POT1: variants seen among roughly 807,000 people sequenced by gnomAD.
The protein encoded by POT1 is protection of telomeres 1, also known as protection of telomeres protein 1.
In POT1, 47 loss-of-function variants were observed where a neutral mutation model predicts 78.5. The observed-to-expected ratio is 0.60, with a 90% CI of 0.47 to 0.76. The LOEUF (loss-of-function observed/expected upper bound fraction) is 0.76. POT1 is among the 30% of genes least tolerant of loss of function. The pLI is 0.00. For synonymous variants in POT1, 259 were observed against 260.7 expected (o/e 0.99, Z 0.06); for missense variants, 646 against 749.9 (o/e 0.86, Z 1.62).
rs1367929667 is a variant in POT1 at position 124,885,287 on chromosome 7, T to C, written c.124+6979A>G. Among the ~76,000 whole-genome samples the C allele has an allele frequency of 6.5e-5, 6 of 92,638 alleles. No individual in the cohort carries two copies. The East Asian group carries it at 1.9e-3, about 29-fold the overall frequency. 60.8% of individuals were successfully genotyped at this position (92,638 alleles called of 152,430 possible). ...CCTGGGCAACAATGCAAGACCTCCA[T>C]CTCTCCAAAAAAAAAAAAAAAAAAA... On this transcript the variant is annotated intron_variant, in intron 6 of 18. Coordinates refer to ENST00000357628, the MANE Select transcript of POT1 (RefSeq NM_015450.3).
chr7:124,878,278 G>A (rs1014896621), intron 6 of POT1, among the ~76,000 whole-genome samples: 3 of 152,040 alleles, frequency 2.0e-5, no homozygotes, highest in African/African-American at 4.8e-5. Flanking sequence ...GTTGTAGTAA[G>A]CTGAGATCAT....
intron 12 of POT1, among the ~76,000 whole-genome samples, chr7:124,845,655 G>A (rs1355871053): frequency 1.3e-5 from 2 of 151,678 alleles, no homozygotes; most frequent in African/African-American, 4.8e-5. Flanking sequence ...TATCCTGATA[G>A]TTTAGAATCC....
chr7:124,869,120 C>A (rs922084721), intron 7 of POT1, among the ~76,000 whole-genome samples: 4 of 152,112 alleles, frequency 2.6e-5, no homozygotes, highest in Admixed American at 2.0e-4. Flanking sequence ...TCACATTTCT[C>A]TAGACTGTGA....
At chr7:124,905,282 G>C (rs1435099278) in intron 3 of POT1, among the ~76,000 whole-genome samples, 1 of 152,032 alleles carries the variant, frequency 6.6e-6, no homozygotes, top group Non-Finnish European at 1.5e-5. Flanking sequence ...CCAAAACAGA[G>C]ATATAGACCA....
rs1795356307 is a variant in POT1 at position 124,853,146 on chromosome 7, A to G, written c.703-8T>C. ...TCTAAGAAAGCTTCCAACCTAAAAA[A>G]TAGATCATTTGTTATTTAGAAAGTG... is the stretch of plus-strand genomic sequence containing the variant. On this transcript the variant is annotated splice_polypyrimidine_tract_variant and splice_region_variant and intron_variant, in intron 9 of 18. Transcript: ENST00000357628. The G allele has an allele frequency of 6.4e-7, 1 of 1,551,182 alleles. No homozygotes were observed. The highest frequency in any genetic ancestry group is 8.8e-7 in the Non-Finnish European group (1 of 1,137,874).
At chr7:124,889,502 A>G (rs1235045746) in intron 6 of POT1, among the ~76,000 whole-genome samples, 6 of 152,038 alleles carry the variant, frequency 3.9e-5, no homozygotes, top group Admixed American at 3.9e-4. Flanking sequence ...ACAAACCAAC[A>G]CATTTTCAAT....
intron 12 of POT1, among the ~76,000 whole-genome samples, chr7:124,844,479 G>A (rs1214780521): frequency 1.4e-5 from 2 of 145,060 alleles, no homozygotes; most frequent in East Asian, 4.7e-4. Context: ...GCTCACGCCT[G>A]TAATCCCAGC....
intron 12 of POT1, among the ~76,000 whole-genome samples, chr7:124,845,625 A>C (rs1398602232): frequency 6.6e-6 from 1 of 152,148 alleles, no homozygotes; most frequent in East Asian, 1.9e-4. Flanking sequence ...GAAAATGTAA[A>C]TATCTTATTT....
chr7:124,905,150 CA>C (rs1298880842), intron 3 of POT1, among the ~76,000 whole-genome samples: 23 of 151,808 alleles, frequency 1.5e-4, no homozygotes, highest in Non-Finnish European at 2.4e-4. Flanking sequence ...CATATGGAAC[CA>C]AAAAAGAGCC....
chr7:124,856,400 A>T (rs1226307770), intron 9 of POT1, among the ~76,000 whole-genome samples: 1 of 152,118 alleles, frequency 6.6e-6, no homozygotes, highest in Non-Finnish European at 1.5e-5. Flanking sequence ...TTGCAGACAA[A>T]TAATATAATG....
chr7:124,826,063 T>A (rs930387095), intron 17 of POT1, among the ~76,000 whole-genome samples: 1 of 152,184 alleles, frequency 6.6e-6, no homozygotes, highest in Non-Finnish European at 1.5e-5. Flanking sequence ...AGTTTAACAA[T>A]ATGATGTAGG....
intron 2 of POT1, among the ~76,000 whole-genome samples, chr7:124,926,976 A>T (rs1797290727): frequency 6.6e-6 from 1 of 152,174 alleles, no homozygotes; most frequent in African/African-American, 2.4e-5. Flanking sequence ...TGGTGGGTAC[A>T]AGCTGCATTG....
Position 124,842,841 on chromosome 7 carries a change from A to C in POT1, c.1129T>G (p.Ser377Ala), listed in dbSNP as rs1795061239. ...CATTTAGGGCAATGAAGTTTAACAG[A>C]CTGAAATAGTCTTCTGGGCTTATAT... ...RSYKPRRLFQ[S>A]VKLHCPKCHL... Residue 377 changes from serine to alanine, a missense_variant, in exon 13 of 19, where the codon TCT (serine) becomes GCT (alanine). Around this residue, in one of 2 missense-constraint regions of POT1, gnomAD observed 394 missense variants for 408.4 expected, o/e 0.96. Transcript: ENST00000357628. 6.2e-7 allele frequency: 1 copy of C among 1,602,042 alleles called. No homozygotes were observed. The highest frequency in any genetic ancestry group is 2.2e-5 in the East Asian group (1 of 44,724).
intron 8 of POT1, among the ~76,000 whole-genome samples, chr7:124,860,979 G>A (rs779854184): frequency 2.9e-4 from 42 of 144,390 alleles, no homozygotes; most frequent in Non-Finnish European, 6.1e-4. Context: ...GTGTATATGT[G>A]CCACATTTTC....
intron 9 of POT1, among the ~76,000 whole-genome samples, chr7:124,857,733 A>G (rs1383855368): frequency 1.3e-5 from 2 of 152,130 alleles, no homozygotes; most frequent in Non-Finnish European, 2.9e-5. Flanking sequence ...TCAGTAATGA[A>G]ATCCCCTGAA....
At position 124,854,922 on chromosome 7, in the gene POT1, T is replaced by C. The variant is rs76966620; in HGVS notation, c.703-1784A>G. Among the ~76,000 whole-genome samples the C allele has an allele frequency of 1.4e-3, 211 of 151,756 alleles. 1 individual carries two copies. Among genetic ancestry groups the C allele is most frequent in the East Asian group, 0.011 (57 of 5,172 alleles). ...CATGTATGTATGATCTACAAAAGAT[T>C]TGAAAGAAGGCCTAAACACATGGAG... is the stretch of plus-strand genomic sequence containing the variant. On this transcript the variant is annotated intron_variant, in intron 9 of 18. Transcript: ENST00000357628.
chr7:124,880,750 T>C (rs1246982792), intron 6 of POT1, among the ~76,000 whole-genome samples: 1 of 152,036 alleles, frequency 6.6e-6, no homozygotes, highest in Non-Finnish European at 1.5e-5. Context: ...TTTTGCAGAA[T>C]CTTTGTGCAA....
At chr7:124,920,684 G>A (rs1797128442) in intron 2 of POT1, among the ~76,000 whole-genome samples, 1 of 151,890 alleles carries the variant, frequency 6.6e-6, no homozygotes, top group African/African-American at 2.4e-5. Flanking sequence ...TTAAAAAAGT[G>A]AGCATTCTAC....
At chr7:124,863,830 T>C (rs1659275189) in intron 7 of POT1, among the ~76,000 whole-genome samples, 190 bp from the exon 8 acceptor site, 1 of 152,182 alleles carries the variant, frequency 6.6e-6, no homozygotes, top group Non-Finnish European at 1.5e-5. Context: ...TACACCAAGA[T>C]ACAGAAGTAT....
Sources: gnomAD v4.1 joint callset for allele counts (sites outside exome capture counted in the v4.1 genomes callset) on GRCh38, gnomAD v4.1.1 for gene constraint, gnomAD v4.1.1 regional missense constraint, MANE v1.5 for transcripts, NCBI Gene and HGNC (gene_info 2026-07-23, HGNC 2026-07-21) for gene names.